Variants in SYBU observed in about 807,000 individuals in gnomAD.
SYBU encodes the protein GOLSYN A protein.
Under a neutral mutation model 35.9 loss-of-function variants are expected in SYBU, and 21 were observed. That is an observed-to-expected ratio of 0.58 (90% CI 0.41 to 0.84). The LOEUF is 0.84. Ranked by LOEUF, SYBU falls within the 40% of genes least tolerant of loss-of-function variation. The pLI, the probability that SYBU is intolerant of heterozygous loss-of-function variation, is 0.00. For synonymous variants in SYBU, 319 were observed against 324.3 expected (o/e 0.98, Z 0.18); for missense variants, 768 against 848.2 (o/e 0.91, Z 1.17).
intron 1 of SYBU, among the ~76,000 whole-genome samples, chr8:109,650,835 A>T (rs2130716442): frequency 6.6e-6 from 1 of 152,364 alleles, no homozygotes; most frequent in East Asian, 1.9e-4. Flanking sequence ...AAAAAAGGAT[A>T]CTAAACCATG....
At chr8:109,625,191 G>T (rs777011875) in intron 2 of SYBU, among the ~76,000 whole-genome samples, 2 of 152,142 alleles carry the variant, frequency 1.3e-5, no homozygotes, top group Non-Finnish European at 2.9e-5. Context: ...ATGACATGAT[G>T]TCTGGAGATT....
intron 1 of SYBU, among the ~76,000 whole-genome samples, chr8:109,658,594 T>C (rs986640848): frequency 6.6e-6 from 1 of 152,194 alleles, no homozygotes; most frequent in African/African-American, 2.4e-5. Context: ...TTGGGGCCAA[T>C]GCTCTCATCC....
At chr8:109,668,843 C>G (rs901492295) in intron 1 of SYBU, among the ~76,000 whole-genome samples, 16 of 152,060 alleles carry the variant, frequency 1.1e-4, no homozygotes, top group Non-Finnish European at 1.8e-4. Flanking sequence ...CTTAAAATTC[C>G]TCTTAATTTG....
chr8:109,586,028 G>A (rs779223120), intron 4 of SYBU, 32 bp downstream of exon 4: 31 of 1,531,042 alleles, frequency 2.0e-5, no homozygotes, highest in Middle Eastern at 1.7e-4. Flanking sequence ...TGTGTAAAGC[G>A]TCTTAATTAC....
intron 2 of SYBU, among the ~76,000 whole-genome samples, chr8:109,623,596 T>G (rs893958813): frequency 3.3e-5 from 5 of 152,180 alleles, no homozygotes; most frequent in Non-Finnish European, 7.3e-5. Flanking sequence ...GCCTAAATGT[T>G]GTTAAAAAAT....
At position 109,601,112 on chromosome 8, in the gene SYBU, G is replaced by A. The variant is rs560526185; in HGVS notation, c.428-14950C>T. On this transcript the variant is annotated intron_variant, in intron 3 of 6. Coordinates refer to ENST00000276646, the MANE Select transcript of SYBU (RefSeq NM_001099754.2). ...ACCTTGAAGGGATAACTAATGCATCGGATGACAGCATCAGATAATAATGCC... is the reference window on the plus strand; with the variant it reads ...ACCTTGAAGGGATAACTAATGCATCAGATGACAGCATCAGATAATAATGCC... Among the ~76,000 whole-genome samples, 8 of 152,240 alleles carry A rather than the reference G, an allele frequency of 5.3e-5. No individual in the cohort carries two copies. In the South Asian group the frequency reaches 6.2e-4, roughly 12 times the overall value.
chr8:109,683,302 G>C (rs370090098), upstream of SYBU, among the ~76,000 whole-genome samples: 8 of 152,346 alleles, frequency 5.3e-5, no homozygotes, highest in East Asian at 9.7e-4. Flanking sequence ...AGCTGCCCAA[G>C]GTCATGGGAG....
At chr8:109,651,356 G>A (rs1457585354) in intron 1 of SYBU, among the ~76,000 whole-genome samples, 2 of 151,472 alleles carry the variant, frequency 1.3e-5, no homozygotes, top group Non-Finnish European at 2.9e-5. Context: ...AAAGTGAAAT[G>A]AGTTTCCCAA....
intron 1 of SYBU, among the ~76,000 whole-genome samples, chr8:109,673,791 C>T (rs932072869): frequency 1.3e-5 from 2 of 152,044 alleles, no homozygotes; most frequent in African/African-American, 4.8e-5. Context: ...CTTGAAAAAA[C>T]GTTAGAGGAA....
intron 1 of SYBU, among the ~76,000 whole-genome samples, chr8:109,678,398 G>C (rs1376808190): frequency 6.8e-6 from 1 of 146,150 alleles, no homozygotes; most frequent in Non-Finnish European, 1.5e-5. Flanking sequence ...TGATATTGCT[G>C]TCTGGGGGTG....
chr8:109,601,905 G>A (rs1478330327), intron 3 of SYBU, among the ~76,000 whole-genome samples: 2 of 152,198 alleles, frequency 1.3e-5, no homozygotes, highest in African/African-American at 4.8e-5. Flanking sequence ...CTGAAGGCAA[G>A]AGAGAACCAT....
At chr8:109,661,703 TGGAGAATAAG>T (rs1242734380) in intron 1 of SYBU, among the ~76,000 whole-genome samples, 2 of 152,180 alleles carry the variant, frequency 1.3e-5, no homozygotes, top group Admixed American at 1.3e-4. Flanking sequence ...GTAGAAACAA[TGGAGAATAAG>T]CCACATGTAT....
At chr8:109,676,116 A>C (rs1817181136) in intron 1 of SYBU, among the ~76,000 whole-genome samples, 2 of 152,182 alleles carry the variant, frequency 1.3e-5, no homozygotes, top group South Asian at 4.1e-4. Context: ...CTCTCAATAA[A>C]CTTGGTAGTG....
chr8:109,670,576 A>G (rs1272066280), intron 1 of SYBU, among the ~76,000 whole-genome samples: 3 of 152,052 alleles, frequency 2.0e-5, no homozygotes, highest in Non-Finnish European at 4.4e-5. Context: ...GACTATTTTG[A>G]TAAGGCTATT....
At chr8:109,595,841 G>A (rs1380389408) in intron 3 of SYBU, among the ~76,000 whole-genome samples, 2 of 152,250 alleles carry the variant, frequency 1.3e-5, no homozygotes, top group African/African-American at 2.4e-5. Context: ...ACAGGTCCCA[G>A]TGGTTGCCAC....
chr8:109,619,626 A>AT (rs1812211484), intron 2 of SYBU, among the ~76,000 whole-genome samples: 2 of 152,358 alleles, frequency 1.3e-5, no homozygotes, highest in South Asian at 4.1e-4. Context: ...TTTTTGGGTC[A>AT]TATGTGTCCA....
intron 1 of SYBU, among the ~76,000 whole-genome samples, chr8:109,690,233 C>T (rs1015623622): frequency 5.3e-5 from 8 of 152,232 alleles, no homozygotes; most frequent in Non-Finnish European, 1.2e-4. Flanking sequence ...AAAATGATTT[C>T]ACCTGGGCTC....
chr8:109,586,549 T>G (rs1395703829), intron 3 of SYBU: 1 of 163,676 alleles, frequency 6.1e-6, no homozygotes, highest in Non-Finnish European at 1.3e-5. Context: ...CAAGAGTAGT[T>G]TTTCCAAGAG....
At chr8:109,582,674 CA>C (rs1241355301) in intron 4 of SYBU, among the ~76,000 whole-genome samples, 4 of 152,142 alleles carry the variant, frequency 2.6e-5, no homozygotes, top group African/African-American at 9.7e-5. Flanking sequence ...TCATCATCAC[CA>C]TCATCACCAT....
Sources: gnomAD v4.1 joint callset for allele counts (sites outside exome capture counted in the v4.1 genomes callset) on GRCh38, gnomAD v4.1.1 for gene constraint, MANE v1.5 for transcripts, NCBI Gene and HGNC (gene_info 2026-07-23, HGNC 2026-07-21) for gene names.